TNFRSF10C: variants seen among roughly 807,000 people sequenced by gnomAD.
The protein encoded by TNFRSF10C is tumor necrosis factor receptor superfamily member 10C.
Under a neutral mutation model 16.7 loss-of-function variants are expected in TNFRSF10C, and 17 were observed. The observed-to-expected ratio is 1.02, with a 90% confidence interval of 0.70 to 1.53. The LOEUF (loss-of-function observed/expected upper bound fraction) is 1.53, where lower values mean the gene tolerates loss of function less well. TNFRSF10C is among the 40% of genes most tolerant of loss of function. The pLI is 0.00. For missense variants in TNFRSF10C, 237 were observed against 329.7 expected (o/e 0.72, Z 2.18); for synonymous variants, 73 against 119.7 (o/e 0.61, Z 2.55).
intron 1 of TNFRSF10C, among the ~76,000 whole-genome samples, chr8:23,104,510 T>C (rs1434136282): frequency 6.1e-3 from 927 of 152,282 alleles, no homozygotes; most frequent in African/African-American, 0.019. Context: ...GTATGTATCG[T>C]GTGTCCACAT....
rs1051503749 is a variant in TNFRSF10C at position 23,107,174 on chromosome 8, CACA to C, written c.60+4007_60+4009del. 1.7e-3 allele frequency among the ~76,000 whole-genome samples: 258 copies of C among 152,108 alleles called. 1 individual carries two copies. Among genetic ancestry groups the C allele is most frequent in the African/African-American group, 5.9e-3 (245 of 41,500 alleles). On this transcript the variant is annotated intron_variant, in intron 1 of 4. Coordinates refer to ENST00000356864, the MANE Select transcript of TNFRSF10C (RefSeq NM_003841.5). ...CCAGGGCAACATAGCAAAACCCGGTCACAACAACAACAACAAAAAACCAAACAA... is the reference window on the plus strand; with the variant it reads ...CCAGGGCAACATAGCAAAACCCGGTCACAACAACAACAAAAAACCAAACAA...
chr8:23,106,173 T>C (rs1813771310), intron 1 of TNFRSF10C, among the ~76,000 whole-genome samples: 1 of 150,984 alleles, frequency 6.6e-6, no homozygotes, highest in Non-Finnish European at 1.5e-5. Flanking sequence ...ATGTGAATCC[T>C]GTTCCCTGGA....
intron 1 of TNFRSF10C, among the ~76,000 whole-genome samples, chr8:23,110,209 T>G (rs919613116): frequency 9.2e-5 from 14 of 151,648 alleles, no homozygotes; most frequent in Non-Finnish European, 1.8e-4. Flanking sequence ...AGACATCGCC[T>G]GAACCTAGAG....
chr8:23,107,739 A>T (rs1036579977), intron 1 of TNFRSF10C, among the ~76,000 whole-genome samples: 4 of 152,244 alleles, frequency 2.6e-5, no homozygotes, highest in Admixed American at 2.6e-4. Flanking sequence ...GTCTATTTCA[A>T]CTATATCAAT....
chr8:23,112,221 A>C (rs1813892711), intron 2 of TNFRSF10C, among the ~76,000 whole-genome samples: 1 of 152,260 alleles, frequency 6.6e-6, no homozygotes, highest in African/African-American at 2.4e-5. Context: ...CTATTGCATT[A>C]GGTATTACAA....
intron 1 of TNFRSF10C, among the ~76,000 whole-genome samples, chr8:23,106,627 G>C (rs1486486296): frequency 6.6e-6 from 1 of 152,150 alleles, no homozygotes. Flanking sequence ...AAAAAGATGA[G>C]AGTGGATCCA....
intron 1 of TNFRSF10C, among the ~76,000 whole-genome samples, chr8:23,107,659 A>T (rs1813802975): frequency 6.6e-6 from 1 of 152,236 alleles, no homozygotes; most frequent in Non-Finnish European, 1.5e-5. Context: ...AATTAACATT[A>T]AAATGTGCAG....
intron 1 of TNFRSF10C, among the ~76,000 whole-genome samples, chr8:23,104,966 G>C (rs576793487): frequency 1.1e-4 from 17 of 152,266 alleles, no homozygotes; most frequent in African/African-American, 4.1e-4. Context: ...AGCCTGTCAG[G>C]GTGACTTCAG....
In TNFRSF10C at chr8:23,103,055, G is replaced by A. The variant is rs139576559; in HGVS notation, c.-67G>A. 602 of 1,578,668 alleles carry A rather than the reference G, an allele frequency of 3.8e-4. No individual in the cohort carries two copies. In the African/African-American group the frequency reaches 7.3e-3, roughly 19 times the overall value. On this transcript the variant is annotated 5_prime_UTR_variant, in exon 1 of 5. Coordinates refer to ENST00000356864, the MANE Select transcript of TNFRSF10C (RefSeq NM_003841.5). ...CGTTAGGGAACTCTGGGGACAGAGC[G>A]CCCCGGCCGCCTGATGGCCGAGGCA...
rs1666780485 is a variant in TNFRSF10C at position 23,103,044 on chromosome 8, G to A, written c.-78G>A. 2 of 1,571,062 alleles carry A rather than the reference G, an allele frequency of 1.3e-6. No homozygotes were observed. Among genetic ancestry groups the A allele is most frequent in the Non-Finnish European group, 1.7e-6 (2 of 1,158,248 alleles). ...GCGCTTCCTACCGTTAGGGAACTCT[G>A]GGGACAGAGCGCCCCGGCCGCCTGA... On this transcript the variant is annotated 5_prime_UTR_variant, in exon 1 of 5. Coordinates refer to ENST00000356864, the MANE Select transcript of TNFRSF10C (RefSeq NM_003841.5).
chr8:23,112,180 A>G (rs1207594744), intron 2 of TNFRSF10C, among the ~76,000 whole-genome samples: 1 of 152,238 alleles, frequency 6.6e-6, no homozygotes, highest in Admixed American at 6.5e-5. Flanking sequence ...ATAAAAAGCA[A>G]TGCAGTATAG....
At chr8:23,104,094 G>C (rs1813723565) in intron 1 of TNFRSF10C, among the ~76,000 whole-genome samples, 1 of 152,012 alleles carries the variant, frequency 6.6e-6, no homozygotes, top group African/African-American at 2.4e-5. Flanking sequence ...ATAGTTTATA[G>C]TGGGTGGACT....
At chr8:23,103,271 C>T (rs1300815064) in intron 1 of TNFRSF10C, 90 bp downstream of exon 1, 3 of 1,549,700 alleles carry the variant, frequency 1.9e-6, no homozygotes, top group East Asian at 4.8e-5. Context: ...GGATGCCTGG[C>T]CCTGGTCACC....
intron 2 of TNFRSF10C, 23 bp downstream of exon 2, chr8:23,111,848 C>T: frequency 1.3e-6 from 2 of 1,596,640 alleles, no homozygotes; most frequent in Non-Finnish European, 1.7e-6. Context: ...TTTTAAAAAT[C>T]AGTTTATTTT....
chr8:23,117,250 C>T lies in TNFRSF10C; in HGVS notation c.*219C>T. 1.4e-6 allele frequency: 1 copy of T among 700,784 alleles called. No homozygotes were observed. 43.4% of individuals were successfully genotyped at this position (700,784 alleles called of 1,614,324 possible). A position where few individuals can be genotyped will look rare whatever the true frequency, so the allele number is the denominator to read the frequency against. ...CCACATCCCGTGCACCCCCCAGGAC[C>T]CTGGTCTCATCAGTCCCTCTCCTGG... On this transcript the variant is annotated 3_prime_UTR_variant, in exon 5 of 5. Transcript: ENST00000356864.
intron 1 of TNFRSF10C, among the ~76,000 whole-genome samples, chr8:23,105,694 C>T (rs1397621624): frequency 1.3e-5 from 2 of 152,148 alleles, no homozygotes; most frequent in Non-Finnish European, 2.9e-5. Context: ...GGTCCTCTGT[C>T]GTGTATCCAG....
Sources: gnomAD v4.1 joint callset for allele counts (sites outside exome capture counted in the v4.1 genomes callset) on GRCh38, gnomAD v4.1.1 for gene constraint, MANE v1.5 for transcripts, NCBI Gene and HGNC (gene_info 2026-07-23, HGNC 2026-07-21) for gene names.